The following SAMD3 variants were observed in gnomAD, a reference collection of about 807,000 sequenced individuals.
SAMD3 encodes sterile alpha motif domain-containing protein 3.
A neutral mutation model predicts 58.5 loss-of-function variants in SAMD3; 63 were observed. The ratio of observed to expected loss-of-function variants is 1.08; its 90% CI spans 0.88 to 1.33. The LOEUF is 1.33. SAMD3 is among the 40% of genes most tolerant of loss of function. The pLI is 0.00. For missense variants in SAMD3, 604 were observed against 608.4 expected, an observed-to-expected ratio of 0.99 and a Z score of 0.08; for synonymous variants, 220 against 210.3, an observed-to-expected ratio of 1.05 and a Z score of -0.40.
intron 1 of SAMD3, among the ~76,000 whole-genome samples, chr6:130,321,713 A>G (rs1562521393): frequency 6.6e-6 from 1 of 151,584 alleles, no homozygotes; most frequent in East Asian, 1.9e-4. Flanking sequence ...CCCCAATAAA[A>G]TAAGATGAGA....
chr6:130,215,224 T>C lies in SAMD3; in HGVS notation c.50A>G (p.Asn17Ser), dbSNP rs1218626794. Residue 17 changes from asparagine to serine, a missense_variant, in exon 3 of 12, where the codon AAT (asparagine) becomes AGT (serine). By Grantham distance (46) the Asn-to-Ser change is conservative (BLOSUM62 1). Coordinates refer to ENST00000439090, the MANE Select transcript of SAMD3 (RefSeq NM_001017373.4). ...AAATCTATGAACTAGCTCTCCTAAA[T>C]TTTTCTCCACCAACCAACTGCAGAC... ...EQVCSWLVEK[N>S]LGELVHRFQE... 2 of 1,609,730 alleles carry C rather than the reference T, an allele frequency of 1.2e-6. No individual in the cohort carries two copies. The highest frequency in any genetic ancestry group is 1.7e-6 in the Non-Finnish European group (2 of 1,176,742).
chr6:130,173,517 C>G (rs1454647220), intron 8 of SAMD3, among the ~76,000 whole-genome samples: 1 of 152,238 alleles, frequency 6.6e-6, no homozygotes, highest in African/African-American at 2.4e-5. Context: ...GGCTGCAGAA[C>G]AGCAAAGATC....
At chr6:130,344,558 T>C (rs1323423655) in intron 1 of SAMD3, among the ~76,000 whole-genome samples, 1 of 152,052 alleles carries the variant, frequency 6.6e-6, no homozygotes, top group Non-Finnish European at 1.5e-5. Context: ...ATTTTTGTAT[T>C]TTTAATAAAG....
At chr6:130,306,582 T>C (rs1211725599) in intron 2 of SAMD3, among the ~76,000 whole-genome samples, 1 of 152,220 alleles carries the variant, frequency 6.6e-6, no homozygotes, top group East Asian at 1.9e-4. Flanking sequence ...ATTGCTTCTA[T>C]TCCACTAACT....
At chr6:130,347,441 A>G (rs12190374) in intron 1 of SAMD3, among the ~76,000 whole-genome samples, 7,752 of 152,320 alleles carry the variant, frequency 0.051, 256 homozygotes, top group South Asian at 0.11. Context: ...CACAAGCCTC[A>G]GTAGCCAATT....
At chr6:130,212,279 G>A (rs1795641846) in intron 4 of SAMD3, among the ~76,000 whole-genome samples, 1 of 152,002 alleles carries the variant, frequency 6.6e-6, no homozygotes, top group South Asian at 2.1e-4. Context: ...AAAGCAATAA[G>A]TATTCTCTTC....
At chr6:130,336,169 ATAC>A (rs1366628934) in intron 1 of SAMD3, among the ~76,000 whole-genome samples, 2 of 152,344 alleles carry the variant, frequency 1.3e-5, no homozygotes, top group East Asian at 3.9e-4. Flanking sequence ...TATAATAATA[ATAC>A]AATAAAATTT....
chr6:130,227,181 T>C (rs976337369), upstream of SAMD3, among the ~76,000 whole-genome samples: 1 of 152,212 alleles, frequency 6.6e-6, no homozygotes, highest in Non-Finnish European at 1.5e-5. Context: ...TCTCCATGAA[T>C]TTGACTATTT....
chr6:130,146,167 G>T lies in SAMD3; in HGVS notation c.1038C>A (p.Phe346Leu). 1 of 1,576,622 alleles carries T rather than the reference G, an allele frequency of 6.3e-7. No individual in the cohort carries two copies. The highest frequency in any genetic ancestry group is 1.2e-5 in the South Asian group (1 of 83,768). ...AAATATCTGTTCTTGTAAGAAGTTG[G>T]AATTCTCTGAACATCTGACAAAAGA... ...LKCPYQMFRE[F>L]QLLTRTDIYK... The change falls in exon 10 of 12, where the codon TTC becomes TTA. Residue 346 changes from phenylalanine to leucine, a missense_variant. By Grantham distance (22) the Phe-to-Leu change is conservative (BLOSUM62 0). Coordinates refer to ENST00000439090, the MANE Select transcript of SAMD3 (RefSeq NM_001017373.4).
chr6:130,283,887 C>G (rs1291069803), intron 2 of SAMD3, among the ~76,000 whole-genome samples: 2 of 152,098 alleles, frequency 1.3e-5, no homozygotes, highest in African/African-American at 4.8e-5. Context: ...TGTCACCCAG[C>G]CTGGAGTGCA....
chr6:130,348,156 G>T (rs1156704593), intron 1 of SAMD3, among the ~76,000 whole-genome samples: 1 of 152,210 alleles, frequency 6.6e-6, no homozygotes, highest in East Asian at 1.9e-4. Context: ...AGGCTAGGAA[G>T]AAACTGCAGC....
intron 8 of SAMD3, among the ~76,000 whole-genome samples, chr6:130,168,887 C>T (rs1490196800): frequency 6.6e-6 from 1 of 152,162 alleles, no homozygotes; most frequent in African/African-American, 2.4e-5. Context: ...ACTGAAGTCT[C>T]AACCTCCCTG....
intron 5 of SAMD3, among the ~76,000 whole-genome samples, chr6:130,192,117 C>A (rs1390151758): frequency 6.6e-6 from 1 of 152,216 alleles, no homozygotes; most frequent in African/African-American, 2.4e-5. Flanking sequence ...GAGCACTCAA[C>A]TACATCTAGT....
chr6:130,352,598 A>G (rs560494470), intron 1 of SAMD3, among the ~76,000 whole-genome samples: 21 of 152,308 alleles, frequency 1.4e-4, no homozygotes, highest in Admixed American at 7.2e-4. Flanking sequence ...GTGTAGCTGC[A>G]CTTAGAGTGA....
rs577665128 is a variant in SAMD3, at chr6:130,158,368, G to A, written c.823-3343C>T. The stretch of plus-strand genomic sequence containing the variant: ...TGCAGGGATAGATGACTTTACTAGC[G>A]GAAAACAGCAGAGCTTCTAGACACA... On this transcript the variant is annotated intron_variant, in intron 8 of 11. Transcript: ENST00000439090. Among the ~76,000 whole-genome samples, 26 of 152,080 alleles carry A rather than the reference G, an allele frequency of 1.7e-4. 1 individual carries two copies. The highest frequency in any genetic ancestry group is 1.0e-3 in the South Asian group (5 of 4,814).
At chr6:130,302,424 A>AG (rs1775781264) in intron 2 of SAMD3, among the ~76,000 whole-genome samples, 1 of 152,226 alleles carries the variant, frequency 6.6e-6, no homozygotes, top group Non-Finnish European at 1.5e-5. Context: ...AAAGTCAAAA[A>AG]TAACAGATAT....
chr6:130,347,650 T>A (rs1297326455), intron 1 of SAMD3, among the ~76,000 whole-genome samples: 2 of 152,056 alleles, frequency 1.3e-5, no homozygotes, highest in Non-Finnish European at 2.9e-5. Context: ...TGGAACACAC[T>A]TTGCAGGATA....
chr6:130,258,915 G>A lies in SAMD3; in HGVS notation c.-187-36102C>T, dbSNP rs141475034. On this transcript the variant is annotated intron_variant, in intron 2 of 13. Coordinates refer to the SAMD3 transcript ENST00000368134. ...TAGCAAGTAGATTATTAATAGTACTGAATAAGAGTAAACAGGAACTGAGGA... is the reference window on the plus strand; with the variant it reads ...TAGCAAGTAGATTATTAATAGTACTAAATAAGAGTAAACAGGAACTGAGGA... 3.9e-3 allele frequency among the ~76,000 whole-genome samples: 592 copies of A among 152,220 alleles called. 6 individuals carry two copies. The highest frequency in any genetic ancestry group is 0.014 in the African/African-American group (570 of 41,538).
chr6:130,301,126 A>G (rs530238801), intron 2 of SAMD3, among the ~76,000 whole-genome samples: 1 of 152,244 alleles, frequency 6.6e-6, no homozygotes, highest in South Asian at 2.1e-4. Flanking sequence ...AGCTTCATCC[A>G]TGTCCCTGCA....
Sources: allele counts gnomAD v4.1 joint callset (sites outside exome capture counted in the v4.1 genomes callset), GRCh38; gene constraint gnomAD v4.1.1; transcripts MANE v1.5; gene names NCBI Gene and HGNC (gene_info 2026-07-23, HGNC 2026-07-21).